Variants in TMEM178B observed in about 807,000 individuals in gnomAD.
TMEM178B encodes transmembrane protein 178B.
In TMEM178B, 5 loss-of-function variants were observed where a neutral mutation model predicts 31.0. The ratio of observed to expected loss-of-function variants is 0.16; its 90% confidence interval spans 0.08 to 0.34. The LOEUF (loss-of-function observed/expected upper bound fraction) is 0.34, where lower values mean the gene tolerates loss of function less well. Ranked by LOEUF, TMEM178B falls within the 10% of genes least tolerant of loss-of-function variation. The probability of loss-of-function intolerance (pLI) is 1.00; values close to 1 mark genes in which losing one functional copy is unlikely to be tolerated. For missense variants in TMEM178B, 275 were observed against 400.3 expected (o/e 0.69, Z 2.67); for synonymous variants, 164 against 164.0 (o/e 1.00, Z 0.00).
intron 2 of TMEM178B, among the ~76,000 whole-genome samples, chr7:141,367,563 G>A (rs1038685068): frequency 2.6e-5 from 4 of 152,150 alleles, no homozygotes; most frequent in Non-Finnish European, 5.9e-5. Context: ...ACTGCGCCCA[G>A]CTGACAATTA....
At chr7:141,459,129 A>C (rs1802017524) in intron 3 of TMEM178B, among the ~76,000 whole-genome samples, 1 of 152,204 alleles carries the variant, frequency 6.6e-6, no homozygotes, top group South Asian at 2.1e-4. Context: ...TCCGGGGTTC[A>C]AGCAATTCTC....
chr7:141,510,383 T>A, the TMEM178B span, among the ~76,000 whole-genome samples: 1 of 151,662 alleles, frequency 6.6e-6, no homozygotes, highest in African/African-American at 2.4e-5. Flanking sequence ...GAAGAAGAGA[T>A]CTATAAGAAT....
intron 2 of TMEM178B, chr7:141,431,200 C>A (rs1341702638): frequency 2.0e-5 from 3 of 151,852 alleles, no homozygotes; most frequent in African/African-American, 7.3e-5. Context: ...AAAAAAATCC[C>A]AGTCATCATC....
intron 1 of TMEM178B, among the ~76,000 whole-genome samples, chr7:141,183,334 C>T (rs1417491883): frequency 2.0e-5 from 3 of 152,138 alleles, no homozygotes; most frequent in Admixed American, 2.0e-4. Context: ...TCTGATTTGC[C>T]CTTAATTGTT....
At chr7:141,246,196 A>G (rs920643359) in intron 2 of TMEM178B, among the ~76,000 whole-genome samples, 7 of 152,304 alleles carry the variant, frequency 4.6e-5, no homozygotes, top group Middle Eastern at 3.4e-3. Flanking sequence ...AAATGTGTCC[A>G]TTTTTTGTTG....
At chr7:141,142,551 G>A (rs1013069505) in intron 1 of TMEM178B, among the ~76,000 whole-genome samples, 1 of 151,930 alleles carries the variant, frequency 6.6e-6, no homozygotes, top group Non-Finnish European at 1.5e-5. Flanking sequence ...AGGACTACAG[G>A]TGCCCACCAC....
rs1356772809 is a variant in TMEM178B at position 141,206,986 on chromosome 7, CTA to C, written c.383-5603_383-5602del. ...GCAACTACCATTCTCCTCTCTATTT[CTA>C]TGAGTTTGACTAGTTTAGAGAATTC... On this transcript the variant is annotated intron_variant, in intron 1 of 3. Coordinates refer to ENST00000565468, the MANE Select transcript of TMEM178B (RefSeq NM_001195278.2). 1.4e-4 allele frequency among the ~76,000 whole-genome samples: 22 copies of C among 152,324 alleles called. No individual in the cohort carries two copies. The East Asian group carries it at 4.0e-3, about 28-fold the overall frequency.
chr7:141,409,509 G>A (rs192569715), intron 2 of TMEM178B, among the ~76,000 whole-genome samples: 15 of 152,276 alleles, frequency 9.9e-5, no homozygotes, highest in African/African-American at 3.6e-4. Flanking sequence ...GATAGTATAA[G>A]TAAATTGCCA....
intron 2 of TMEM178B, among the ~76,000 whole-genome samples, chr7:141,310,351 T>C (rs1030830645): frequency 4.6e-5 from 7 of 152,164 alleles, no homozygotes; most frequent in Non-Finnish European, 7.4e-5. Flanking sequence ...ATTAGAGAAA[T>C]GCAAATCAAA....
chr7:141,201,286 G>A (rs1796873285), intron 1 of TMEM178B, among the ~76,000 whole-genome samples: 1 of 152,162 alleles, frequency 6.6e-6, no homozygotes, highest in African/African-American at 2.4e-5. Context: ...GCACAGGTCT[G>A]ACTGGGCACA....
chr7:141,097,675 C>A (rs908570777), intron 1 of TMEM178B, among the ~76,000 whole-genome samples: 1 of 152,018 alleles, frequency 6.6e-6, no homozygotes, highest in Non-Finnish European at 1.5e-5. Context: ...CAAACTTTCC[C>A]AAACCTCATC....
At chr7:141,101,907 A>ATGTGTGTGTGTGTGTGTGTGTGTG in intron 1 of TMEM178B, among the ~76,000 whole-genome samples, 1 of 124,494 alleles carries the variant, frequency 8.0e-6, no homozygotes, top group East Asian at 2.7e-4. Flanking sequence ...GTGTGTGTTA[A>ATGTGTGTGTGTGTGTGTGTGTGTG]CGTGTGTGTG....
At chr7:141,470,464 C>A in intron 3 of TMEM178B, 72 bp from the exon 4 acceptor site, 1 of 1,375,662 alleles carries the variant, frequency 7.3e-7, no homozygotes, top group Non-Finnish European at 9.5e-7. Flanking sequence ...TAACTTTTCT[C>A]TTTCTCTCTC....
At position 141,475,469 on chromosome 7, in the gene TMEM178B, C is replaced by T. The variant is rs1563192698; in HGVS notation, c.*4683C>T. On this transcript the variant is annotated 3_prime_UTR_variant, in exon 4 of 4. Transcript: ENST00000565468. ...GAAAAATAAAATACAAAAAAGACTA[C>T]AAGATTTTTCATAATCCAGTCACTC... 1 of 152,166 alleles carries T rather than the reference C, an allele frequency of 6.6e-6. No homozygotes were observed. Among genetic ancestry groups the T allele is most frequent in the East Asian group, 1.9e-4 (1 of 5,192 alleles). 9.4% of individuals were successfully genotyped at this position (152,166 alleles called of 1,614,324 possible).
the TMEM178B span, among the ~76,000 whole-genome samples, chr7:141,495,318 A>G: frequency 6.6e-6 from 1 of 152,242 alleles, no homozygotes; most frequent in Admixed American, 6.5e-5. Flanking sequence ...CTCTGAGGAA[A>G]GCACAACCGT....
intron 2 of TMEM178B, among the ~76,000 whole-genome samples, chr7:141,310,078 T>G (rs1798881972): frequency 6.6e-6 from 1 of 151,998 alleles, no homozygotes; most frequent in African/African-American, 2.4e-5. Context: ...AAGCAAAAAT[T>G]GACAAATGGG....
chr7:141,110,144 G>A (rs568501478), intron 1 of TMEM178B, among the ~76,000 whole-genome samples: 63 of 152,186 alleles, frequency 4.1e-4, no homozygotes, highest in Admixed American at 1.8e-3. Context: ...ATTTAAAACC[G>A]TATCTTTTAA....
intron 2 of TMEM178B, among the ~76,000 whole-genome samples, chr7:141,368,280 C>G (rs144942109): frequency 0.029 from 4,385 of 152,242 alleles, 202 homozygotes; most frequent in African/African-American, 0.1. Flanking sequence ...GATTGTGCCA[C>G]TGCACTCCAG....
chr7:141,364,310 C>A (rs934021712), intron 2 of TMEM178B, among the ~76,000 whole-genome samples: 1 of 152,168 alleles, frequency 6.6e-6, no homozygotes, highest in African/African-American at 2.4e-5. Context: ...CTGGGCTATA[C>A]TCCCTTTCAA....
Sources: allele counts gnomAD v4.1 joint callset (sites outside exome capture counted in the v4.1 genomes callset), GRCh38; gene constraint gnomAD v4.1.1; transcripts MANE v1.5; gene names NCBI Gene and HGNC (gene_info 2026-07-23, HGNC 2026-07-21).